Variants in PPFIA2 observed in about 807,000 individuals in gnomAD.
PPFIA2 encodes liprin-alpha-2.
PPFIA2 carries 46 observed loss-of-function variants against 175.5 expected under a neutral mutation model. That is an observed-to-expected ratio of 0.26 (90% CI 0.21 to 0.34). The LOEUF (loss-of-function observed/expected upper bound fraction) is 0.34. Among genes scored for constraint, PPFIA2 ranks in the 10% least tolerant of loss-of-function variants. The pLI, the probability that PPFIA2 is intolerant of heterozygous loss-of-function variation, is 1.00. For synonymous variants in PPFIA2, 568 were observed against 511.4 expected (o/e 1.11, Z -1.49); for missense variants, 1,179 against 1,506.1 (o/e 0.78, Z 3.60).
At chr12:81,639,052 C>A (rs1170913559) in intron 4 of PPFIA2, among the ~76,000 whole-genome samples, 1 of 152,172 alleles carries the variant, frequency 6.6e-6, no homozygotes, top group Non-Finnish European at 1.5e-5. Context: ...TATTTCTTCT[C>A]TAGTGTCCTG....
At chr12:81,291,867 A>G (rs549131495) in intron 24 of PPFIA2, among the ~76,000 whole-genome samples, 1 of 152,178 alleles carries the variant, frequency 6.6e-6, no homozygotes, top group Admixed American at 6.6e-5. Context: ...CTCATAACTG[A>G]CCAAAAGGAA....
chr12:81,551,206 A>G (rs900610494), intron 4 of PPFIA2, among the ~76,000 whole-genome samples: 2 of 152,014 alleles, frequency 1.3e-5, no homozygotes, highest in African/African-American at 4.8e-5. Context: ...TGTTCAATAA[A>G]GTTTATGGTA....
At chr12:81,306,694 C>T (rs2049313865) in intron 22 of PPFIA2, among the ~76,000 whole-genome samples, 1 of 151,646 alleles carries the variant, frequency 6.6e-6, no homozygotes, top group Non-Finnish European at 1.5e-5. Flanking sequence ...GCACGTGCCA[C>T]CATGCCTGGC....
rs190894502 is a variant in PPFIA2 at position 81,452,996 on chromosome 12, T to A, written c.405+4769A>T. ...AAACCATAACGTTTTTCTTTTTTTT[T>A]AATTTTTTTTTATTATACTTTAAGT... On this transcript the variant is annotated intron_variant, in intron 5 of 32. Transcript: ENST00000549396. 2.2e-3 allele frequency among the ~76,000 whole-genome samples: 317 copies of A among 145,134 alleles called. 4 individuals are homozygous for A. In the East Asian group the frequency reaches 0.03, roughly 14 times the overall value.
Position 81,407,355 on chromosome 12 carries a change from C to T in PPFIA2, c.646-1452G>A, listed in dbSNP as rs1000940733. ...AAAATTAGCCGGGCGTGATGGTGGG[C>T]GCCTGTAATCCCAGCTACTCAGGAG... On this transcript the variant is annotated intron_variant, in intron 7 of 32. Coordinates refer to ENST00000549396, the MANE Select transcript of PPFIA2 (RefSeq NM_003625.5). 6.6e-5 allele frequency among the ~76,000 whole-genome samples: 10 copies of T among 151,818 alleles called. No individual in the cohort carries two copies. The South Asian group carries it at 1.5e-3, about 22-fold the overall frequency.
intron 7 of PPFIA2, among the ~76,000 whole-genome samples, chr12:81,428,801 G>A (rs1297916639): frequency 2.6e-5 from 4 of 151,874 alleles, no homozygotes; most frequent in East Asian, 1.9e-4. Context: ...GGAATAATAC[G>A]TTCCCAATAA....
At chr12:81,319,711 G>T (rs1051783801) in intron 22 of PPFIA2, among the ~76,000 whole-genome samples, 2 of 151,894 alleles carry the variant, frequency 1.3e-5, no homozygotes, top group Non-Finnish European at 2.9e-5. Context: ...GGAATGGGAT[G>T]AAGGAGAATA....
intron 3 of PPFIA2, among the ~76,000 whole-genome samples, chr12:81,732,869 A>T (rs1321037137): frequency 6.6e-6 from 1 of 151,498 alleles, no homozygotes; most frequent in East Asian, 1.9e-4. Context: ...TACAAAGCAC[A>T]CAAAAAAAGC....
Position 81,367,504 on chromosome 12 carries a change from G to A in PPFIA2, c.1483-334C>T, listed in dbSNP as rs557402917. ...TTATTCTTCAAGTAAGAAAAAGTGA[G>A]CAACAAGCTAAATCTTAGAGGTGTT... On this transcript the variant is annotated intron_variant, in intron 13 of 32. Coordinates refer to ENST00000549396, the MANE Select transcript of PPFIA2 (RefSeq NM_003625.5). Among the ~76,000 whole-genome samples, 393 of 151,736 alleles carry A rather than the reference G, an allele frequency of 2.6e-3. 1 individual carries two copies. The highest frequency in any genetic ancestry group is 9.1e-3 in the African/African-American group (379 of 41,484).
At chr12:81,310,051 G>A (rs1042075897) in intron 22 of PPFIA2, among the ~76,000 whole-genome samples, 8 of 152,018 alleles carry the variant, frequency 5.3e-5, no homozygotes, top group African/African-American at 1.9e-4. Flanking sequence ...AATTTTTCAG[G>A]TTATATGAAT....
chr12:81,560,838 T>G (rs1474392590), intron 4 of PPFIA2, among the ~76,000 whole-genome samples: 2 of 152,202 alleles, frequency 1.3e-5, no homozygotes, highest in Non-Finnish European at 2.9e-5. Flanking sequence ...CATACAAGCT[T>G]AAATTTATAA....
At chr12:81,557,493 T>C (rs902174917) in intron 4 of PPFIA2, among the ~76,000 whole-genome samples, 4 of 151,982 alleles carry the variant, frequency 2.6e-5, no homozygotes, top group African/African-American at 4.8e-5. Context: ...TTCTTTCCCA[T>C]TGACCAAAGT....
intron 7 of PPFIA2, among the ~76,000 whole-genome samples, chr12:81,411,396 T>C (rs1264037836): frequency 6.6e-6 from 1 of 152,066 alleles, no homozygotes; most frequent in African/African-American, 2.4e-5. Context: ...CATAAGCTTA[T>C]AACAGCCTGA....
At chr12:81,733,846 T>G (rs2081240269) in intron 3 of PPFIA2, among the ~76,000 whole-genome samples, 1 of 151,786 alleles carries the variant, frequency 6.6e-6, no homozygotes. Flanking sequence ...TTCATCATCT[T>G]TTTTTGTTTC....
chr12:81,627,839 T>C (rs1458404478), intron 4 of PPFIA2, among the ~76,000 whole-genome samples: 1 of 152,150 alleles, frequency 6.6e-6, no homozygotes, highest in Non-Finnish European at 1.5e-5. Flanking sequence ...TTTTTCCATC[T>C]AGTAAATGCT....
At chr12:81,551,429 A>G (rs1172737532) in intron 4 of PPFIA2, among the ~76,000 whole-genome samples, 2 of 152,036 alleles carry the variant, frequency 1.3e-5, no homozygotes, top group Non-Finnish European at 2.9e-5. Context: ...TATTCAGGAA[A>G]AAACAATTAA....
At chr12:81,598,638 C>T (rs1032792125) in intron 4 of PPFIA2, among the ~76,000 whole-genome samples, 3 of 147,888 alleles carry the variant, frequency 2.0e-5, no homozygotes, top group Admixed American at 6.8e-5. Flanking sequence ...TTTTACAAAG[C>T]CTTTTTTTTT....
At position 81,618,682 on chromosome 12, in the gene PPFIA2, C is replaced by T. The variant is rs535134008; in HGVS notation, c.303+58109G>A. 4.9e-3 allele frequency among the ~76,000 whole-genome samples: 742 copies of T among 151,886 alleles called. 1 individual carries two copies. Among genetic ancestry groups the T allele is most frequent in the Non-Finnish European group, 7.9e-3 (539 of 67,976 alleles). On this transcript the variant is annotated intron_variant, in intron 4 of 32. Transcript: ENST00000549396. The stretch of plus-strand genomic sequence containing the variant: ...TGGCTGGGACTACAGGCACCAGCCA[C>T]CACGCCCAGCTAATTTTTTTTTGTA...
intron 23 of PPFIA2, among the ~76,000 whole-genome samples, chr12:81,295,700 A>G (rs2046281513): frequency 6.6e-6 from 1 of 152,176 alleles, no homozygotes; most frequent in Non-Finnish European, 1.5e-5. Context: ...CAGAAATTAG[A>G]GATTTTAAGA....
Sources: gnomAD v4.1 joint callset for allele counts (sites outside exome capture counted in the v4.1 genomes callset) on GRCh38, gnomAD v4.1.1 for gene constraint, MANE v1.5 for transcripts, NCBI Gene and HGNC (gene_info 2026-07-23, HGNC 2026-07-21) for gene names.